RORA: variants seen among roughly 807,000 people sequenced by gnomAD.
The protein encoded by RORA is RAR related orphan receptor A.
Under a neutral mutation model 69.5 loss-of-function variants are expected in RORA, and 7 were observed. The ratio of observed to expected loss-of-function variants is 0.10; its 90% CI spans 0.06 to 0.19. The LOEUF is 0.19. RORA is among the 10% of genes least tolerant of loss of function. The pLI is 1.00. For synonymous variants in RORA, 261 were observed against 240.8 expected (o/e 1.08, Z -0.78); for missense variants, 457 against 663.0 (o/e 0.69, Z 3.41).
chr15:60,679,756 C>T lies in RORA; in HGVS notation c.167-1070G>A, dbSNP rs557804168. Reference sequence around the variant, plus strand: ...ATCTGTTGTGAAAATCCACGGCAGACATTTTTTAAAAAGTTGGTTCCGAAG... The same window carrying T: ...ATCTGTTGTGAAAATCCACGGCAGATATTTTTTAAAAAGTTGGTTCCGAAG... On this transcript the variant is annotated intron_variant, in intron 1 of 10. Coordinates refer to ENST00000335670, the MANE Select transcript of RORA (RefSeq NM_134261.3). 2.0e-5 allele frequency among the ~76,000 whole-genome samples: 3 copies of T among 152,298 alleles called. No homozygotes were observed. The South Asian group carries it at 6.2e-4, about 32-fold the overall frequency.
At chr15:61,175,865 TC>T (rs1347595482) in intron 1 of RORA, among the ~76,000 whole-genome samples, 1 of 152,162 alleles carries the variant, frequency 6.6e-6, no homozygotes, top group Non-Finnish European at 1.5e-5. Context: ...AAGTTTTATT[TC>T]TTAATCTCAT....
intron 1 of RORA, among the ~76,000 whole-genome samples, chr15:61,093,482 G>C (rs1001264426): frequency 6.6e-6 from 1 of 152,210 alleles, no homozygotes; most frequent in African/African-American, 2.4e-5. Flanking sequence ...CAACAATGCT[G>C]CGGCTACAGA....
intron 2 of RORA, among the ~76,000 whole-genome samples, chr15:60,549,212 A>T (rs1177093276): frequency 6.6e-6 from 1 of 152,204 alleles, no homozygotes; most frequent in South Asian, 2.1e-4. Flanking sequence ...GTTAAAAAAT[A>T]ACCCCACAGT....
At chr15:60,719,646 G>C (rs2071267520) in intron 1 of RORA, among the ~76,000 whole-genome samples, 1 of 152,166 alleles carries the variant, frequency 6.6e-6, no homozygotes, top group Non-Finnish European at 1.5e-5. Context: ...TTGGGGTTTG[G>C]GGAATCATGG....
At chr15:61,206,413 T>C (rs1013940628) in intron 1 of RORA, among the ~76,000 whole-genome samples, 1 of 152,222 alleles carries the variant, frequency 6.6e-6, no homozygotes, top group African/African-American at 2.4e-5. Flanking sequence ...ACTTGCTGTA[T>C]GCAAAGCACT....
intron 1 of RORA, among the ~76,000 whole-genome samples, chr15:61,111,976 C>G (rs975238718): frequency 1.3e-5 from 2 of 152,182 alleles, no homozygotes; most frequent in African/African-American, 4.8e-5. Flanking sequence ...GTATAAGCCT[C>G]CTGCCAGGTG....
At chr15:60,658,960 T>C (rs2070263001) in intron 2 of RORA, among the ~76,000 whole-genome samples, 1 of 152,134 alleles carries the variant, frequency 6.6e-6, no homozygotes, top group Non-Finnish European at 1.5e-5. Flanking sequence ...ACCTAGACTG[T>C]CATTGGAGTA....
intron 1 of RORA, among the ~76,000 whole-genome samples, chr15:61,054,826 G>GTTT (rs66846535): frequency 7.4e-6 from 1 of 134,646 alleles, no homozygotes; most frequent in Non-Finnish European, 1.6e-5. Flanking sequence ...TTTGTTTTTT[G>GTTT]TTTTTTTTTT....
chr15:61,117,594 A>G (rs562564037), intron 1 of RORA, among the ~76,000 whole-genome samples: 17 of 152,318 alleles, frequency 1.1e-4, no homozygotes, highest in Admixed American at 4.6e-4. Flanking sequence ...TTTATACTCT[A>G]TAGAATTGTT....
intron 1 of RORA, among the ~76,000 whole-genome samples, chr15:60,690,086 A>G (rs968400391): frequency 3.9e-5 from 6 of 152,214 alleles, no homozygotes; most frequent in African/African-American, 1.2e-4. Flanking sequence ...AAGGTCCAGG[A>G]AATGTTATGA....
intron 1 of RORA, among the ~76,000 whole-genome samples, chr15:60,887,170 A>G (rs199775725): frequency 1.5e-5 from 2 of 134,894 alleles, no homozygotes; most frequent in East Asian, 2.2e-4. Context: ...GAGAGAGAGA[A>G]AGAGAGTTGG....
intron 1 of RORA, among the ~76,000 whole-genome samples, chr15:61,014,841 A>G (rs771758659): frequency 2.6e-5 from 4 of 152,222 alleles, no homozygotes; most frequent in Non-Finnish European, 5.9e-5. Context: ...AACAAGGAAT[A>G]GGGAACCTGC....
At chr15:60,952,281 G>A (rs1405934085) in intron 1 of RORA, among the ~76,000 whole-genome samples, 2 of 152,102 alleles carry the variant, frequency 1.3e-5, no homozygotes, top group Middle Eastern at 3.4e-3. Flanking sequence ...GGTATTGATG[G>A]GACGTATTTC....
intron 1 of RORA, among the ~76,000 whole-genome samples, chr15:60,873,723 C>T (rs2073584035): frequency 6.6e-6 from 1 of 152,178 alleles, no homozygotes; most frequent in Non-Finnish European, 1.5e-5. Context: ...TTCCACCGAA[C>T]AACTCCCACC....
intron 1 of RORA, among the ~76,000 whole-genome samples, chr15:60,795,426 G>A (rs550767527): frequency 1.1e-4 from 17 of 152,372 alleles, no homozygotes; most frequent in African/African-American, 4.1e-4. Context: ...GTTGGAAAGG[G>A]CAGCCAAACC....
intron 1 of RORA, among the ~76,000 whole-genome samples, chr15:61,117,954 T>C (rs539470512): frequency 1.3e-5 from 2 of 152,314 alleles, no homozygotes; most frequent in Admixed American, 1.3e-4. Context: ...TGGGTTCTAA[T>C]CCCTCCTCCA....
intron 1 of RORA, among the ~76,000 whole-genome samples, chr15:61,011,482 T>G (rs1031322000): frequency 6.6e-6 from 1 of 152,260 alleles, no homozygotes; most frequent in African/African-American, 2.4e-5. Context: ...GTGAGCATAG[T>G]TGGCTTGAAA....
At chr15:61,171,863 G>A (rs921006218) in intron 1 of RORA, among the ~76,000 whole-genome samples, 2 of 152,184 alleles carry the variant, frequency 1.3e-5, no homozygotes, top group Non-Finnish European at 2.9e-5. Context: ...GCCTTTAAAA[G>A]GGCAAAGGTT....
At chr15:61,124,936 G>A (rs2079131165) in intron 1 of RORA, among the ~76,000 whole-genome samples, 1 of 152,096 alleles carries the variant, frequency 6.6e-6, no homozygotes, top group African/African-American at 2.4e-5. Context: ...TCCATGGCAG[G>A]CATTAACATG....
Sources: allele counts gnomAD v4.1 joint callset (sites outside exome capture counted in the v4.1 genomes callset), GRCh38; gene constraint gnomAD v4.1.1; transcripts MANE v1.5; gene names NCBI Gene and HGNC (gene_info 2026-07-23, HGNC 2026-07-21).